The following BCL6 variants were observed in gnomAD, a reference collection of about 807,000 sequenced individuals.
The protein encoded by BCL6 is B-cell lymphoma 6 protein.
In BCL6, 7 loss-of-function variants were observed where a neutral mutation model predicts 59.5. The observed-to-expected ratio is 0.12, with a 90% CI of 0.07 to 0.22. The LOEUF is 0.22. Among genes scored for constraint, BCL6 ranks in the 10% least tolerant of loss-of-function variants. The pLI is 1.00. For synonymous variants in BCL6, 339 were observed against 349.7 expected (o/e 0.97, Z 0.34); for missense variants, 685 against 939.4 (o/e 0.73, Z 3.54).
chr3:187,732,259 A>G (rs766314463), intron 3 of BCL6: 22 of 381,926 alleles, frequency 5.8e-5, no homozygotes, highest in Non-Finnish European at 2.0e-5. Context: ...ACAGATTACC[A>G]GAGTTAAATT....
At chr3:187,731,969 C>A (rs41268625) in intron 3 of BCL6, 39 bp from the exon 4 acceptor site, 3 of 1,548,880 alleles carry the variant, frequency 1.9e-6, no homozygotes, top group Non-Finnish European at 2.7e-6. Flanking sequence ...GTAGACATAT[C>A]GAATCTGTGA....
At chr3:187,728,144 A>C (rs1441535781) in intron 6 of BCL6, among the ~76,000 whole-genome samples, 1 of 152,222 alleles carries the variant, frequency 6.6e-6, no homozygotes, top group Non-Finnish European at 1.5e-5. Flanking sequence ...TGATTACCCC[A>C]GATCAACTCT....
At position 187,728,474 on chromosome 3, in the gene BCL6, T is replaced by G; in HGVS notation, c.1426A>C (p.Thr476Pro). Residue 476 changes from threonine (T) to proline (P), a missense_variant, in exon 6 of 10, where the codon ACG becomes CCG. Physicochemically the swap from Thr to Pro is conservative, Grantham distance 38. Around this residue, in one of 7 missense-constraint regions of BCL6, gnomAD observed 207 missense variants for 213.7 expected, o/e 0.97. Coordinates refer to ENST00000406870, the MANE Select transcript of BCL6 (RefSeq NM_001706.5). ...SPLYMHPPKC[T>P]SCGSQSPQHA... The stretch of plus-strand genomic sequence containing the variant: ...TGTGGGGACTGAGAGCCGCAGGACG[T>G]GCACTTCGGGGGGTGCATGTAGAGT... The G allele has an allele frequency of 1.2e-6, 2 of 1,611,990 alleles. No individual in the cohort carries two copies. Among genetic ancestry groups the G allele is most frequent in the Non-Finnish European group, 1.7e-6 (2 of 1,179,608 alleles).
Position 187,728,360 on chromosome 3 carries a change from C to T in BCL6, c.1540G>A (p.Glu514Lys), listed in dbSNP as rs770507201. 1.3e-6 allele frequency: 2 copies of T among 1,584,706 alleles called. No homozygotes were observed. Among genetic ancestry groups the T allele is most frequent in the Admixed American group, 3.6e-5 (2 of 55,186 alleles). ...AGAGGAGGGAGGGAAAAGGACTCACCACAGCTAGAATCTGAGTACTCAGAC... is the reference window on the plus strand; with the variant it reads ...AGAGGAGGGAGGGAAAAGGACTCACTACAGCTAGAATCTGAGTACTCAGAC... Reference protein sequence around the residue: ...TQSEYSDSSCENGAFFCNECD... With the variant: ...TQSEYSDSSCKNGAFFCNECD... The change falls in exon 6 of 10, where the codon GAG becomes AAG. Residue 514 changes from glutamate (E) to lysine (K), a missense_variant and splice_region_variant. Glu to Lys is a moderately conservative substitution (Grantham distance 56). Around this residue, in one of 7 missense-constraint regions of BCL6, gnomAD observed 207 missense variants for 213.7 expected, o/e 0.97. Coordinates refer to ENST00000406870, the MANE Select transcript of BCL6 (RefSeq NM_001706.5).
chr3:187,743,097 G>A (rs1711672490), intron 1 of BCL6, among the ~76,000 whole-genome samples: 1 of 151,992 alleles, frequency 6.6e-6, no homozygotes, highest in Admixed American at 6.6e-5. Context: ...TCTCTGTAGA[G>A]GAAGCCGGTG....
In BCL6 at chr3:187,729,420, C is replaced by T. The variant is rs149798354; in HGVS notation, c.985G>A (p.Val329Ile). The T allele has an allele frequency of 8.1e-6, 13 of 1,611,254 alleles. No individual in the cohort carries two copies. Among genetic ancestry groups the T allele is most frequent in the South Asian group, 4.4e-5 (4 of 90,798 alleles). ...GATTTCTGGGGGCTCTGTGGACTAA[C>T]CAGACCCTTCCGGTTCAGGGGTGCA... ...PNAPLNRKGL[V>I]SPQSPQKSDC... Residue 329 changes from valine (V) to isoleucine (I), a missense_variant, in exon 5 of 10, where the codon GTT becomes ATT. By Grantham distance (29) the Val-to-Ile change is conservative. Around this residue, in one of 7 missense-constraint regions of BCL6, gnomAD observed 268 missense variants for 263.8 expected, o/e 1.02. Coordinates refer to ENST00000406870, the MANE Select transcript of BCL6 (RefSeq NM_001706.5). This position sits in a 1 kb window ranked among gnomAD's most constrained non-coding sequence, Gnocchi z 5.6.
chr3:187,725,882 C>T lies in BCL6; in HGVS notation c.1709-253G>A, dbSNP rs1420552962. ...GTGGTGGCACGGAGTAGCAACAATG[C>T]CAGGTGTGGGATAGGAGAGGGGGAG... On this transcript the variant is annotated intron_variant, in intron 7 of 9. Coordinates refer to ENST00000406870, the MANE Select transcript of BCL6 (RefSeq NM_001706.5). This position sits in a 1 kb window ranked among gnomAD's most constrained non-coding sequence, Gnocchi z 4.7. Among the ~76,000 whole-genome samples, 1 of 152,206 alleles carries T rather than the reference C, an allele frequency of 6.6e-6. No individual in the cohort carries two copies. Among genetic ancestry groups the T allele is most frequent in the African/African-American group, 2.4e-5 (1 of 41,466 alleles).
In BCL6 at chr3:187,745,406, T is replaced by C. The variant is rs1711909256; in HGVS notation, c.-50+4A>G. 2.5e-6 allele frequency: 1 copy of C among 400,584 alleles called. No individual in the cohort carries two copies. 24.8% of individuals were successfully genotyped at this position (400,584 alleles called of 1,614,324 possible). Reference sequence around the variant, plus strand: ...GCAGCGGCGGCAGCAACAGCAATAATCACCTGGTGTCCGGCCTTTCCTAGA... The same window carrying C: ...GCAGCGGCGGCAGCAACAGCAATAACCACCTGGTGTCCGGCCTTTCCTAGA... On this transcript the variant is annotated splice_donor_region_variant and intron_variant, in intron 1 of 9. Coordinates refer to ENST00000406870, the MANE Select transcript of BCL6 (RefSeq NM_001706.5).
chr3:187,725,451 C>G lies in BCL6; in HGVS notation c.1839+48G>C, dbSNP rs759391036. 6.5e-7 allele frequency: 1 copy of G among 1,550,364 alleles called. No individual in the cohort carries two copies. The highest frequency in any genetic ancestry group is 2.3e-5 in the East Asian group (1 of 44,092). On this transcript the variant is annotated intron_variant, in intron 8 of 9. Coordinates refer to ENST00000406870, the MANE Select transcript of BCL6 (RefSeq NM_001706.5). The surrounding 1 kb of genome is among the most constrained non-coding windows in gnomAD (Gnocchi z 4.7). ...GCCTGCCCACTCCTCCGCTCGCCTG[C>G]CCGCTCCGCTCGCCTGCCCGCTCCG...
chr3:187,734,721 G>A (rs1023661643), intron 2 of BCL6, 148 bp downstream of exon 2: 5 of 152,648 alleles, frequency 3.3e-5, no homozygotes, highest in Non-Finnish European at 7.3e-5. Context: ...AGAGGTGAAG[G>A]ATGAGGACTA....
Position 187,725,397 on chromosome 3 carries a change from G to GCTCCACTTGCCTGCCCACTC in BCL6, c.1839+82_1839+101dup. 1 of 1,539,738 alleles carries GCTCCACTTGCCTGCCCACTC rather than the reference G, an allele frequency of 6.5e-7. No homozygotes were observed. Among genetic ancestry groups the GCTCCACTTGCCTGCCCACTC allele is most frequent in the Non-Finnish European group, 8.8e-7 (1 of 1,142,776 alleles). On this transcript the variant is annotated intron_variant, in intron 8 of 9. Coordinates refer to ENST00000406870, the MANE Select transcript of BCL6 (RefSeq NM_001706.5). The surrounding 1 kb of genome is among the most constrained non-coding windows in gnomAD (Gnocchi z 4.7). Reference sequence around the variant, plus strand: ...ACCTGCCCGCTCCGCTTGCCTGCCCGCTCCACTTGCCTGCCCACTCCTCCG... The same window carrying GCTCCACTTGCCTGCCCACTC: ...ACCTGCCCGCTCCGCTTGCCTGCCCGCTCCACTTGCCTGCCCACTCCTCCACTTGCCTGCCCACTCCTCCG...
intron 6 of BCL6, among the ~76,000 whole-genome samples, 176 bp downstream of exon 6, chr3:187,728,184 A>G (rs867687477): frequency 2.6e-5 from 4 of 152,240 alleles, no homozygotes; most frequent in Non-Finnish European, 5.9e-5. Context: ...TGGTTAACCC[A>G]GTTCCCCAAG....
chr3:187,740,446 T>TA (rs933849478), intron 1 of BCL6, among the ~76,000 whole-genome samples: 21 of 152,018 alleles, frequency 1.4e-4, no homozygotes, highest in East Asian at 5.8e-4. Context: ...ATATTTTCTT[T>TA]AAAAAAAATC....
intron 2 of BCL6, chr3:187,734,621 T>G (rs1040170947): frequency 2.0e-5 from 3 of 152,338 alleles, no homozygotes; most frequent in Admixed American, 2.0e-4. Context: ...GGAGCTAGCA[T>G]ATTGTTGGTG....
chr3:187,745,040 C>A (rs536442604), intron 1 of BCL6, among the ~76,000 whole-genome samples: 1 of 152,116 alleles, frequency 6.6e-6, no homozygotes, highest in East Asian at 1.9e-4. Flanking sequence ...TCCTCTCCTC[C>A]ACCTCCTTTC....
chr3:187,732,149 C>T lies in BCL6; in HGVS notation c.162-219G>A, dbSNP rs141286182. ...TCCTTACAACGCTGCAAGGTAGGTACTATCACTCTCTGCCTTTACAAATAG... is the reference window on the plus strand; with the variant it reads ...TCCTTACAACGCTGCAAGGTAGGTATTATCACTCTCTGCCTTTACAAATAG... On this transcript the variant is annotated intron_variant, in intron 3 of 9. Transcript: ENST00000406870. 6.6e-5 allele frequency among the ~76,000 whole-genome samples: 10 copies of T among 152,294 alleles called. No individual in the cohort carries two copies. The East Asian group carries it at 1.9e-3, about 29-fold the overall frequency.
At chr3:187,737,363 GA>G (rs1560156139) in intron 1 of BCL6, 28 of 140,668 alleles carry the variant, frequency 2.0e-4, no homozygotes, top group South Asian at 6.7e-4. Context: ...GAGAGAGAGA[GA>G]GAGAGAGAGA....
intron 1 of BCL6, among the ~76,000 whole-genome samples, chr3:187,744,592 A>G (rs1711796245): frequency 6.6e-6 from 1 of 152,192 alleles, no homozygotes; most frequent in African/African-American, 2.4e-5. Flanking sequence ...ACAAAAACAA[A>G]AACCCAAAGA....
intron 1 of BCL6, among the ~76,000 whole-genome samples, chr3:187,738,881 G>A (rs1383745205): frequency 6.6e-6 from 1 of 152,204 alleles, no homozygotes; most frequent in African/African-American, 2.4e-5. Flanking sequence ...GATTTAATAA[G>A]GGGTAGGGAT....
Sources: allele counts gnomAD v4.1 joint callset (sites outside exome capture counted in the v4.1 genomes callset), GRCh38; gene constraint gnomAD v4.1.1; regional missense constraint gnomAD v4.1.1; non-coding constraint Gnocchi (gnomAD v3.1); transcripts MANE v1.5; gene names NCBI Gene and HGNC (gene_info 2026-07-23, HGNC 2026-07-21).